Variants in IFT172 observed in about 807,000 individuals in gnomAD.
IFT172 encodes the protein intraflagellar transport protein 172 homolog.
IFT172 carries 164 observed loss-of-function variants against 248.9 expected under a neutral mutation model. That is an observed-to-expected ratio of 0.66 (90% confidence interval 0.58 to 0.75). The LOEUF is 0.75. Ranked by LOEUF, IFT172 falls within the 30% of genes least tolerant of loss-of-function variation. The pLI is 0.00. For synonymous variants in IFT172, 729 were observed against 791.6 expected, an observed-to-expected ratio of 0.92 and a Z score of 1.33; for missense variants, 1,950 against 2,192.4, an observed-to-expected ratio of 0.89 and a Z score of 2.21.
chr2:27,449,633 A>G, intron 37 of IFT172, 58 bp downstream of exon 37: 1 of 1,611,628 alleles, frequency 6.2e-7, no homozygotes. Flanking sequence ...ACTTTCTCCC[A>G]GTCTTTACAA....
chr2:27,447,412 C>G (rs1229190488), intron 42 of IFT172, 103 bp downstream of exon 42: 3 of 1,485,160 alleles, frequency 2.0e-6, no homozygotes, highest in Non-Finnish European at 2.7e-6. Flanking sequence ...TGGGGAGATT[C>G]AAGAGCCCAA....
At chr2:27,469,136 G>A (rs947750374) in intron 16 of IFT172, among the ~76,000 whole-genome samples, 2 of 152,174 alleles carry the variant, frequency 1.3e-5, no homozygotes, top group South Asian at 4.1e-4. Flanking sequence ...GCTCATGTCT[G>A]TAATCCCAGC....
chr2:27,459,952 G>A, intron 23 of IFT172, 123 bp from the exon 24 acceptor site: 2 of 1,319,010 alleles, frequency 1.5e-6, no homozygotes, highest in Non-Finnish European at 2.1e-6. Flanking sequence ...ACTGGAGCCA[G>A]GCATCCTGAA....
chr2:27,446,029 G>A (rs190647362), intron 43 of IFT172, 41 bp from the exon 44 acceptor site: 2 of 1,609,976 alleles, frequency 1.2e-6, no homozygotes, highest in East Asian at 4.5e-5. Flanking sequence ...GAACAAGCTG[G>A]GTTTGAATGC....
Position 27,445,949 on chromosome 2 carries a change from G to C in IFT172, c.4795C>G (p.Arg1599Gly). 1 of 1,614,224 alleles carries C rather than the reference G, an allele frequency of 6.2e-7. No individual in the cohort carries two copies. The highest frequency in any genetic ancestry group is 8.5e-7 in the Non-Finnish European group (1 of 1,180,042). The change falls in exon 44 of 48, where the codon CGC becomes GGC. Residue 1599 changes from arginine (R) to glycine (G), a missense_variant. Physicochemically the swap from Arg to Gly is moderately radical, Grantham distance 125. Around this residue, in one of 3 missense-constraint regions of IFT172, gnomAD observed 620 missense variants for 699.0 expected, o/e 0.89. Transcript: ENST00000260570. The surrounding 1 kb of genome is among the most constrained non-coding windows in gnomAD (Gnocchi z 4.4). ...CTCACATCGGTCAGGTCCAAAAAGC[G>C]ATTGAGGAAGATGAATGCCATGTTA... ...WDNMAFIFLN[R>G]FLDLTDAIEE...
At chr2:27,446,178 C>G (rs1572711162) in intron 43 of IFT172, 82 bp downstream of exon 43, 1 of 1,444,500 alleles carries the variant, frequency 6.9e-7, no homozygotes, top group East Asian at 2.3e-5. Context: ...CTCAGCTTTC[C>G]TCTACCAGAG....
At chr2:27,474,095 A>G (rs1429944076) in intron 14 of IFT172, among the ~76,000 whole-genome samples, 1 of 152,204 alleles carries the variant, frequency 6.6e-6, no homozygotes, top group African/African-American at 2.4e-5. Flanking sequence ...GGCATGAGCC[A>G]CCGTACCCGG....
chr2:27,472,870 T>C (rs754483834), intron 14 of IFT172, among the ~76,000 whole-genome samples: 4 of 152,152 alleles, frequency 2.6e-5, no homozygotes, highest in Non-Finnish European at 5.9e-5. Context: ...TCAGAAACTA[T>C]CACATTTAGA....
intron 39 of IFT172, 86 bp from the exon 40 acceptor site, chr2:27,449,117 A>AG (rs997623808): frequency 1.9e-6 from 2 of 1,065,932 alleles, no homozygotes; most frequent in African/African-American, 1.6e-5. Flanking sequence ...GTATTTGTTG[A>AG]GGGGAAAAAG....
At position 27,464,423 on chromosome 2, in the gene IFT172, A is replaced by G. The variant is rs780205028; in HGVS notation, c.1937+988T>C. ...GGTCAAATAACCTCTCTATGGTTAT[A>G]TAAGTTGGTAATTGGAACCAAGATT... On this transcript the variant is annotated intron_variant, in intron 18 of 47. Transcript: ENST00000260570. Among the ~76,000 whole-genome samples, 3 of 152,198 alleles carry G rather than the reference A, an allele frequency of 2.0e-5. 1 individual carries two copies. The highest frequency in any genetic ancestry group is 4.4e-5 in the Non-Finnish European group (3 of 68,042).
chr2:27,444,481 A>C lies in IFT172; in HGVS notation c.5201T>G (p.Ile1734Ser). The change falls in exon 48 of 48, where the codon ATC becomes AGC. Residue 1734 changes from isoleucine (I) to serine (S), a missense_variant. This residue lies in a region of IFT172 where 620 missense variants were observed against 699.0 expected (regional missense o/e 0.89). Transcript: ENST00000260570. ...GGGGAGCCCTCCACACCACTGACTGATGAATTTCAGCACGTCCTGGCACAC... is the reference window on the plus strand; with the variant it reads ...GGGGAGCCCTCCACACCACTGACTGCTGAATTTCAGCACGTCCTGGCACAC... ...SPVCQDVLKF[I>S]SQWCGGLPST... is the part of the protein sequence containing the mutation. The C allele has an allele frequency of 6.2e-7, 1 of 1,613,786 alleles. No homozygotes were observed. Among genetic ancestry groups the C allele is most frequent in the Non-Finnish European group, 8.5e-7 (1 of 1,179,850 alleles).
At chr2:27,447,171 C>T (rs1483582209) in intron 42 of IFT172, among the ~76,000 whole-genome samples, 1 of 152,208 alleles carries the variant, frequency 6.6e-6, no homozygotes, top group South Asian at 2.1e-4. Flanking sequence ...GTTCTTTCCA[C>T]TTCTAGAATT....
At chr2:27,477,941 A>G (rs1668086624) in intron 11 of IFT172, 54 bp downstream of exon 11, 5 of 1,604,494 alleles carry the variant, frequency 3.1e-6, no homozygotes, top group Middle Eastern at 1.7e-4. Flanking sequence ...GGTCCCCACA[A>G]ATATTAAGCC....
At chr2:27,468,430 C>T (rs1200051019) in intron 16 of IFT172, among the ~76,000 whole-genome samples, 3 of 151,762 alleles carry the variant, frequency 2.0e-5, no homozygotes, top group East Asian at 2.0e-4. Context: ...GATGCGGTTT[C>T]GCCATGTTAG....
At position 27,471,004 on chromosome 2, in the gene IFT172, A is replaced by G. The variant is rs937413382; in HGVS notation, c.1616T>C (p.Val539Ala). The G allele has an allele frequency of 1.9e-6, 3 of 1,613,952 alleles. No homozygotes were observed. Among genetic ancestry groups the G allele is most frequent in the Non-Finnish European group, 2.5e-6 (3 of 1,179,996 alleles). The change falls in exon 16 of 48, where the codon GTA becomes GCA. Residue 539 changes from valine to alanine, a missense_variant. By Grantham distance (64) the Val-to-Ala change is moderately conservative. Transcript: ENST00000260570. ...ACACAGACTGTTTCGGTTCTGAGCT[A>G]CCAGCACGTCACTTCCTGGGACCCA... Reference protein sequence around the residue: ...MQWVPGSDVLVAQNRNSLCVW... With the variant: ...MQWVPGSDVLAAQNRNSLCVW...
At position 27,454,660 on chromosome 2, in the gene IFT172, G is replaced by A; in HGVS notation, c.3372C>T (p.Cys1124=). The change falls in exon 31 of 48, where the codon TGC becomes TGT. Residue 1124 remains cysteine, a splice_region_variant and synonymous_variant. Coordinates refer to ENST00000260570, the MANE Select transcript of IFT172 (RefSeq NM_015662.3). The surrounding 1 kb of genome is among the most constrained non-coding windows in gnomAD (Gnocchi z 4.2). The part of the protein sequence containing the change: ...EAAVDHAADN[C]SFEFAFELSR... ...AGAGTTCAAACGCAAATTCAAAGGA[G>A]CTGAAACAGAAAGTGCAGATAAAGT... The A allele has an allele frequency of 6.2e-7, 1 of 1,613,984 alleles. No homozygotes were observed. The highest frequency in any genetic ancestry group is 8.5e-7 in the Non-Finnish European group (1 of 1,179,928).
At chr2:27,461,553 C>G in intron 21 of IFT172, 36 bp from the exon 22 acceptor site, 5 of 1,605,504 alleles carry the variant, frequency 3.1e-6, no homozygotes, top group Non-Finnish European at 4.3e-6. Flanking sequence ...GAGTCACATC[C>G]CCCTTCCTAC....
rs753850356 is a variant in IFT172, at chr2:27,465,475, C to T, written c.1873G>A (p.Glu625Lys). The change falls in exon 18 of 48, where the codon GAG (glutamate) becomes AAG (lysine). Residue 625 changes from glutamate (E) to lysine (K), a missense_variant. This residue lies in a region of IFT172 where 1,166 missense variants were observed against 1,254.1 expected (regional missense o/e 0.93). Transcript: ENST00000260570. ...LETLEMTPETEAMWKTLSKLA... is the reference protein window; with the variant it reads ...LETLEMTPETKAMWKTLSKLA... ...TTACTCAAGGTTTTCCACATTGCCTCTGTTTCTGGGGTCATTTCCAGAGTC... is the reference window on the plus strand; with the variant it reads ...TTACTCAAGGTTTTCCACATTGCCTTTGTTTCTGGGGTCATTTCCAGAGTC... 1 of 1,614,074 alleles carries T rather than the reference C, an allele frequency of 6.2e-7. No individual in the cohort carries two copies. The highest frequency in any genetic ancestry group is 1.3e-5 in the African/African-American group (1 of 75,002).
At chr2:27,484,900 C>A in intron 3 of IFT172, 118 bp downstream of exon 3, 1 of 693,600 alleles carries the variant, frequency 1.4e-6, no homozygotes, top group Admixed American at 2.3e-5. Flanking sequence ...CAGAAAGTCT[C>A]TGCCTTCAAT....
Sources: gnomAD v4.1 joint callset for allele counts (sites outside exome capture counted in the v4.1 genomes callset) on GRCh38, gnomAD v4.1.1 for gene constraint, gnomAD v4.1.1 regional missense constraint, Gnocchi (gnomAD v3.1) non-coding constraint, MANE v1.5 for transcripts, NCBI Gene and HGNC (gene_info 2026-07-23, HGNC 2026-07-21) for gene names.